Variants in CLVS1 observed in about 807,000 individuals in gnomAD.
CLVS1 encodes the protein clavesin-1.
A neutral mutation model predicts 33.1 loss-of-function variants in CLVS1; 10 were observed. The ratio of observed to expected loss-of-function variants is 0.30; its 90% CI spans 0.19 to 0.51. The LOEUF (loss-of-function observed/expected upper bound fraction) is 0.51, where lower values mean the gene tolerates loss of function less well. Ranked by LOEUF, CLVS1 falls within the 20% of genes least tolerant of loss-of-function variation. The pLI is 0.97. For synonymous variants in CLVS1, 163 were observed against 166.1 expected (o/e 0.98, Z 0.14); for missense variants, 343 against 433.4 (o/e 0.79, Z 1.85).
chr8:60,979,464 A>G, the CLVS1 span, among the ~76,000 whole-genome samples: 4 of 152,338 alleles, frequency 2.6e-5, no homozygotes, highest in South Asian at 4.1e-4. Context: ...CTGCAGCAAT[A>G]CTGATTCCTC....
At chr8:61,283,741 G>T (rs1809720883), upstream of CLVS1, among the ~76,000 whole-genome samples, 1 of 152,184 alleles carries the variant, frequency 6.6e-6, no homozygotes, top group African/African-American at 2.4e-5. Context: ...AAGCCTCTGA[G>T]ATCTTTGGGT....
chr8:61,225,375 TA>T (rs764425960), intron 2 of CLVS1, among the ~76,000 whole-genome samples: 3 of 152,092 alleles, frequency 2.0e-5, no homozygotes, highest in Admixed American at 2.0e-4. Flanking sequence ...TTATGCATAG[TA>T]GATGGTTATT....
At chr8:61,363,290 T>C (rs1010180554) in intron 2 of CLVS1, among the ~76,000 whole-genome samples, 1 of 152,212 alleles carries the variant, frequency 6.6e-6, no homozygotes, top group African/African-American at 2.4e-5. Flanking sequence ...ATATGTAAAT[T>C]GTGTCTATAT....
At chr8:61,416,969 C>T (rs958475809) in intron 3 of CLVS1, among the ~76,000 whole-genome samples, 5 of 152,172 alleles carry the variant, frequency 3.3e-5, no homozygotes, top group African/African-American at 4.8e-5. Flanking sequence ...AAGAGAATAG[C>T]AAGCCCAGTG....
intron 2 of CLVS1, among the ~76,000 whole-genome samples, chr8:61,323,049 A>C (rs1785302729): frequency 6.6e-6 from 1 of 152,128 alleles, no homozygotes; most frequent in African/African-American, 2.4e-5. Context: ...GAACTGTCTC[A>C]GCTATGCATT....
the CLVS1 span, among the ~76,000 whole-genome samples, chr8:61,028,333 T>G: frequency 2.0e-5 from 3 of 152,244 alleles, no homozygotes; most frequent in Non-Finnish European, 4.4e-5. Flanking sequence ...TGTTAACATT[T>G]CACTTTAAAG....
chr8:61,395,597 A>T (rs1312331325), intron 3 of CLVS1, among the ~76,000 whole-genome samples: 1 of 152,150 alleles, frequency 6.6e-6, no homozygotes, highest in Non-Finnish European at 1.5e-5. Flanking sequence ...TTGTCAATTC[A>T]TAACAAATGA....
chr8:61,293,789 G>A (rs1372133893), intron 1 of CLVS1, among the ~76,000 whole-genome samples: 1 of 152,056 alleles, frequency 6.6e-6, no homozygotes, highest in African/African-American at 2.4e-5. Flanking sequence ...TGAGTTAGTT[G>A]GTTAGACTTT....
chr8:61,422,095 AT>A (rs36039456), intron 3 of CLVS1, among the ~76,000 whole-genome samples: 19,162 of 145,798 alleles, frequency 0.13, 1,394 homozygotes, highest in African/African-American at 0.21. Flanking sequence ...TGCCAGGTTG[AT>A]TTTTTTTTTT....
At chr8:61,086,228 A>AAAATAAAT (rs35848585) in intron 1 of CLVS1, among the ~76,000 whole-genome samples, 14 of 150,460 alleles carry the variant, frequency 9.3e-5, no homozygotes, top group South Asian at 8.5e-4. Context: ...CTCTGTCTCA[A>AAAATAAAT]AAATAAATAA....
At chr8:61,414,169 T>C (rs866307299) in intron 3 of CLVS1, among the ~76,000 whole-genome samples, 1 of 152,156 alleles carries the variant, frequency 6.6e-6, no homozygotes, top group Non-Finnish European at 1.5e-5. Context: ...GTAAGAAAGA[T>C]AGATATATGA....
chr8:61,398,368 G>T (rs1017198325), intron 3 of CLVS1, among the ~76,000 whole-genome samples: 3 of 151,798 alleles, frequency 2.0e-5, no homozygotes, highest in African/African-American at 7.3e-5. Context: ...TTTTGGTAGA[G>T]ACCGGGTTTC....
At chr8:61,178,960 A>G (rs1011965607) in intron 2 of CLVS1, among the ~76,000 whole-genome samples, 4 of 152,234 alleles carry the variant, frequency 2.6e-5, no homozygotes, top group Non-Finnish European at 5.9e-5. Context: ...ATAACCAGCT[A>G]GCATCATGAT....
intron 2 of CLVS1, among the ~76,000 whole-genome samples, chr8:61,142,943 GATGAAAC>G (rs1328598774): frequency 6.6e-6 from 1 of 152,172 alleles, no homozygotes; most frequent in Non-Finnish European, 1.5e-5. Context: ...AAGATGGAAA[GATGAAAC>G]ATCCTATTGA....
chr8:61,483,427 T>C (rs982210411), intron 5 of CLVS1, among the ~76,000 whole-genome samples: 1 of 151,982 alleles, frequency 6.6e-6, no homozygotes, highest in African/African-American at 2.4e-5. Flanking sequence ...CAATAATAGG[T>C]TCTGAAATTG....
At chr8:61,121,367 C>A (rs1304508447) in intron 1 of CLVS1, among the ~76,000 whole-genome samples, 5 of 152,148 alleles carry the variant, frequency 3.3e-5, no homozygotes, top group African/African-American at 1.2e-4. Flanking sequence ...TAGACCAGAG[C>A]TGTTCCTATT....
chr8:61,286,795 A>G (rs1809791462), upstream of CLVS1, among the ~76,000 whole-genome samples: 1 of 152,252 alleles, frequency 6.6e-6, no homozygotes, highest in Non-Finnish European at 1.5e-5. Flanking sequence ...AGCAAATACA[A>G]GTAAGAAAAT....
chr8:61,455,544 C>A (rs1338901402), intron 4 of CLVS1, among the ~76,000 whole-genome samples: 2 of 151,996 alleles, frequency 1.3e-5, no homozygotes, highest in Non-Finnish European at 2.9e-5. Context: ...GGATTTCATT[C>A]TTCTTTAAGA....
the CLVS1 span, among the ~76,000 whole-genome samples, chr8:61,043,446 A>T: frequency 6.6e-6 from 1 of 152,232 alleles, no homozygotes; most frequent in African/African-American, 2.4e-5. Flanking sequence ...CAGATGGATC[A>T]TAGCAGATGA....
Sources: allele counts gnomAD v4.1 joint callset (sites outside exome capture counted in the v4.1 genomes callset), GRCh38; gene constraint gnomAD v4.1.1; transcripts MANE v1.5; gene names NCBI Gene and HGNC (gene_info 2026-07-23, HGNC 2026-07-21).